Variants in NEGR1 observed in about 807,000 individuals in gnomAD.
NEGR1 encodes neuronal growth regulator 1.
Under a neutral mutation model 40.9 loss-of-function variants are expected in NEGR1, and 10 were observed. That is an observed-to-expected ratio of 0.24 (90% CI 0.15 to 0.42). The LOEUF is 0.42. Among genes scored for constraint, NEGR1 ranks in the 10% least tolerant of loss-of-function variants. The pLI, the probability that NEGR1 is intolerant of heterozygous loss-of-function variation, is 1.00. For missense variants in NEGR1, 352 were observed against 438.9 expected, an observed-to-expected ratio of 0.80 and a Z score of 1.77; for synonymous variants, 185 against 166.8, an observed-to-expected ratio of 1.11 and a Z score of -0.84.
intron 1 of NEGR1, among the ~76,000 whole-genome samples, chr1:72,129,972 G>A (rs1650180589): frequency 6.6e-6 from 1 of 152,046 alleles, no homozygotes; most frequent in African/African-American, 2.4e-5. Context: ...TGCTTTGAGA[G>A]TTTCACCCCC....
intron 1 of NEGR1, among the ~76,000 whole-genome samples, chr1:72,152,770 C>T (rs767220791): frequency 2.6e-5 from 4 of 151,918 alleles, no homozygotes; most frequent in Non-Finnish European, 5.9e-5. Context: ...GATACATTTA[C>T]ACCATGGAAT....
At chr1:71,786,938 T>C (rs771622127) in intron 2 of NEGR1, among the ~76,000 whole-genome samples, 1 of 152,220 alleles carries the variant, frequency 6.6e-6, no homozygotes, top group Non-Finnish European at 1.5e-5. Flanking sequence ...TAGCCCACTG[T>C]GGTGTCACCA....
chr1:72,280,112 C>T (rs1401390317), intron 1 of NEGR1, among the ~76,000 whole-genome samples: 1 of 152,080 alleles, frequency 6.6e-6, no homozygotes, highest in Non-Finnish European at 1.5e-5. Context: ...CGGGATATAG[C>T]ATCAAAATGG....
intron 1 of NEGR1, among the ~76,000 whole-genome samples, chr1:72,115,413 A>T (rs182210299): frequency 1.3e-5 from 2 of 151,654 alleles, no homozygotes; most frequent in African/African-American, 2.4e-5. Context: ...TTTAATCCCT[A>T]CAATTGTGTA....
chr1:71,462,704 T>A (rs548810161), intron 6 of NEGR1, among the ~76,000 whole-genome samples: 2 of 152,278 alleles, frequency 1.3e-5, no homozygotes, highest in South Asian at 4.1e-4. Flanking sequence ...TGAAAAATAA[T>A]CTTTTAGATG....
chr1:71,697,519 ATTCT>A (rs1202070574), intron 4 of NEGR1, among the ~76,000 whole-genome samples: 3 of 151,764 alleles, frequency 2.0e-5, no homozygotes, highest in African/African-American at 7.2e-5. Context: ...TTATGGAAAA[ATTCT>A]TTCTTCACTT....
At chr1:71,993,215 A>G (rs892678472) in intron 1 of NEGR1, among the ~76,000 whole-genome samples, 1 of 152,240 alleles carries the variant, frequency 6.6e-6, no homozygotes, top group Non-Finnish European at 1.5e-5. Flanking sequence ...AAGTCAAGTT[A>G]TAAAATTTCA....
intron 1 of NEGR1, among the ~76,000 whole-genome samples, chr1:72,098,120 A>G (rs1340685551): frequency 3.9e-5 from 6 of 152,154 alleles, no homozygotes; most frequent in Non-Finnish European, 8.8e-5. Context: ...TGATGGAATA[A>G]TTGATCTTTT....
At chr1:72,006,867 CA>C (rs1646612087) in intron 1 of NEGR1, among the ~76,000 whole-genome samples, 1 of 152,136 alleles carries the variant, frequency 6.6e-6, no homozygotes, top group Admixed American at 6.5e-5. Context: ...ACCTTTCTCA[CA>C]GAGCACAGTG....
chr1:72,216,686 A>G (rs1449361318), intron 1 of NEGR1, among the ~76,000 whole-genome samples: 1 of 150,984 alleles, frequency 6.6e-6, no homozygotes, highest in Non-Finnish European at 1.5e-5. Context: ...TTTGATCACT[A>G]TGCCAGTGAG....
At chr1:71,488,391 C>CT (rs1200480129) in intron 6 of NEGR1, among the ~76,000 whole-genome samples, 8 of 151,800 alleles carry the variant, frequency 5.3e-5, no homozygotes, top group Non-Finnish European at 7.4e-5. Context: ...TTTGTCAACT[C>CT]TAATGCCTTG....
At chr1:71,712,292 A>C (rs1229322059) in intron 3 of NEGR1, among the ~76,000 whole-genome samples, 1 of 152,244 alleles carries the variant, frequency 6.6e-6, no homozygotes, top group Non-Finnish European at 1.5e-5. Context: ...GTTTTTCCTA[A>C]GAAACCACAT....
At chr1:71,610,913 G>T in intron 5 of NEGR1, 113 bp downstream of exon 5, 1 of 1,063,110 alleles carries the variant, frequency 9.4e-7, no homozygotes, top group Non-Finnish European at 1.4e-6. Context: ...CTGGAGAGGA[G>T]GCTGCTGAGA....
chr1:71,594,937 C>T (rs956637756), intron 5 of NEGR1, among the ~76,000 whole-genome samples: 21 of 152,122 alleles, frequency 1.4e-4, no homozygotes, highest in Admixed American at 9.2e-4. Context: ...ATTTACCTGC[C>T]GAAGAGTTGA....
chr1:71,928,823 A>C (rs144017403), intron 2 of NEGR1, among the ~76,000 whole-genome samples: 2 of 152,108 alleles, frequency 1.3e-5, no homozygotes, highest in East Asian at 3.9e-4. Flanking sequence ...TCGGTAATTG[A>C]ACTTACTTGG....
intron 6 of NEGR1, among the ~76,000 whole-genome samples, chr1:71,439,403 C>T (rs951980120): frequency 2.0e-5 from 3 of 152,204 alleles, no homozygotes; most frequent in Non-Finnish European, 4.4e-5. Flanking sequence ...GACTCTCTCA[C>T]TCAGGCTGCA....
chr1:71,471,370 G>A (rs1646780777), intron 6 of NEGR1, among the ~76,000 whole-genome samples: 1 of 152,070 alleles, frequency 6.6e-6, no homozygotes, highest in South Asian at 2.1e-4. Context: ...ATTTAAAGAT[G>A]CACCTTGGCT....
intron 1 of NEGR1, among the ~76,000 whole-genome samples, chr1:72,184,528 G>C (rs977337908): frequency 3.9e-5 from 6 of 151,956 alleles, no homozygotes; most frequent in African/African-American, 1.4e-4. Context: ...TAAGTGGTTG[G>C]GGCCAGAGTA....
At chr1:71,710,571 A>C (rs1366443909) in intron 3 of NEGR1, among the ~76,000 whole-genome samples, 2 of 152,238 alleles carry the variant, frequency 1.3e-5, no homozygotes, top group Non-Finnish European at 2.9e-5. Context: ...TTTCATTTGC[A>C]ACAACATGGA....
Sources: allele counts gnomAD v4.1 joint callset (sites outside exome capture counted in the v4.1 genomes callset), GRCh38; gene constraint gnomAD v4.1.1; transcripts MANE v1.5; gene names NCBI Gene and HGNC (gene_info 2026-07-23, HGNC 2026-07-21).